Variants in SYT1 observed in about 807,000 individuals in gnomAD.
The protein encoded by SYT1 is synaptotagmin-1.
In SYT1, 8 loss-of-function variants were observed where a neutral mutation model predicts 44.8. The ratio of observed to expected loss-of-function variants is 0.18; its 90% CI spans 0.10 to 0.32. SYT1 has a LOEUF of 0.32. Among genes scored for constraint, SYT1 ranks in the 10% least tolerant of loss-of-function variants. The pLI, the probability that SYT1 is intolerant of heterozygous loss-of-function variation, is 1.00. For synonymous variants in SYT1, 154 were observed against 188.8 expected, an observed-to-expected ratio of 0.82 and a Z score of 1.51; for missense variants, 286 against 509.3, an observed-to-expected ratio of 0.56 and a Z score of 4.22.
chr12:78,999,331 T>C (rs1870577290), intron 2 of SYT1, among the ~76,000 whole-genome samples: 1 of 152,182 alleles, frequency 6.6e-6, no homozygotes, highest in African/African-American at 2.4e-5. Flanking sequence ...TTCTTATGTA[T>C]ATCTATAGTT....
At chr12:78,998,654 T>A (rs554633793) in intron 2 of SYT1, among the ~76,000 whole-genome samples, 1 of 152,294 alleles carries the variant, frequency 6.6e-6, no homozygotes, top group African/African-American at 2.4e-5. Context: ...CAAGTTAGAT[T>A]AAATTGATTC....
At chr12:79,390,886 C>G (rs113744913) in intron 9 of SYT1, among the ~76,000 whole-genome samples, 7 of 152,156 alleles carry the variant, frequency 4.6e-5, no homozygotes, top group Admixed American at 2.0e-4. Flanking sequence ...TATGAAGTAG[C>G]CTTCCCCAGA....
At chr12:78,912,156 T>C (rs886643863) in intron 1 of SYT1, among the ~76,000 whole-genome samples, 1 of 151,984 alleles carries the variant, frequency 6.6e-6, no homozygotes, top group Non-Finnish European at 1.5e-5. Context: ...ATTTGTGATA[T>C]TTTACAAAGT....
chr12:79,112,741 A>G (rs959021399), intron 3 of SYT1, among the ~76,000 whole-genome samples: 2 of 152,260 alleles, frequency 1.3e-5, no homozygotes, highest in African/African-American at 2.4e-5. Context: ...ATGAGTTTTT[A>G]TACTAAACAA....
At chr12:78,876,744 A>G (rs1483302162) in intron 1 of SYT1, among the ~76,000 whole-genome samples, 59 of 96,538 alleles carry the variant, frequency 6.1e-4, no homozygotes, top group Non-Finnish European at 9.4e-4. Flanking sequence ...ATTATATATT[A>G]TATATTGTAT....
chr12:79,036,262 G>T (rs962957331), intron 2 of SYT1, among the ~76,000 whole-genome samples: 2 of 151,766 alleles, frequency 1.3e-5, no homozygotes, highest in African/African-American at 4.8e-5. Flanking sequence ...TTGTGTTACA[G>T]AATGTAAGTA....
In SYT1 at chr12:79,420,667, T is replaced by C. The variant is rs78868505; in HGVS notation, c.929-23406T>C. On this transcript the variant is annotated intron_variant, in intron 9 of 10. Coordinates refer to ENST00000261205, the MANE Select transcript of SYT1 (RefSeq NM_005639.3). Reference sequence around the variant, plus strand: ...AGTTCAAAGTAGCACAAGAGAGATATGATGTGAGTAGAGAGTAGTCTTCCA... The same window carrying C: ...AGTTCAAAGTAGCACAAGAGAGATACGATGTGAGTAGAGAGTAGTCTTCCA... Among the ~76,000 whole-genome samples the C allele has an allele frequency of 2.5e-3, 378 of 152,160 alleles. 9 individuals carry two copies. The East Asian group carries it at 0.044, about 18-fold the overall frequency.
intron 3 of SYT1, among the ~76,000 whole-genome samples, chr12:79,121,334 G>A (rs1214166980): frequency 6.6e-6 from 1 of 152,136 alleles, no homozygotes; most frequent in Non-Finnish European, 1.5e-5. Context: ...TGTTCTGCAG[G>A]AGTAGATAGC....
chr12:79,023,743 C>G (rs937203174), intron 2 of SYT1, among the ~76,000 whole-genome samples: 1 of 151,904 alleles, frequency 6.6e-6, no homozygotes, highest in Non-Finnish European at 1.5e-5. Context: ...CAAGCTTCAT[C>G]AATTGTTTCT....
At chr12:79,158,081 C>T (rs565544000) in intron 3 of SYT1, among the ~76,000 whole-genome samples, 13 of 152,188 alleles carry the variant, frequency 8.5e-5, no homozygotes, top group African/African-American at 3.1e-4. Flanking sequence ...GATTCAAGCA[C>T]ACTACATTTA....
chr12:79,118,905 C>G (rs1016742774), intron 3 of SYT1, among the ~76,000 whole-genome samples: 1 of 152,162 alleles, frequency 6.6e-6, no homozygotes, highest in Non-Finnish European at 1.5e-5. Flanking sequence ...CCTTTCTTCT[C>G]AACTTCAGAT....
At chr12:79,118,540 T>G (rs535180553) in intron 3 of SYT1, among the ~76,000 whole-genome samples, 1 of 152,322 alleles carries the variant, frequency 6.6e-6, no homozygotes, top group East Asian at 1.9e-4. Context: ...TAATCAAGTT[T>G]ACCATCTCCA....
intron 10 of SYT1, among the ~76,000 whole-genome samples, chr12:79,447,588 C>G (rs1288666100): frequency 6.6e-6 from 1 of 152,106 alleles, no homozygotes; most frequent in Non-Finnish European, 1.5e-5. Context: ...TGTGTCATGT[C>G]CCCCACCCCA....
chr12:79,439,550 GT>G (rs1870283768), intron 9 of SYT1, among the ~76,000 whole-genome samples: 1 of 152,186 alleles, frequency 6.6e-6, no homozygotes, highest in African/African-American at 2.4e-5. Context: ...ATTCAGCAAA[GT>G]GAGTTGAAGG....
At chr12:78,973,916 CAAAAAAAAAAAA>C (rs1162433648) in intron 1 of SYT1, among the ~76,000 whole-genome samples, 39 of 9,070 alleles carry the variant, frequency 4.3e-3, no homozygotes, top group Middle Eastern at 0.1. Flanking sequence ...AGACGAACAC[CAAAAAAAAAAAA>C]AAAAAAAAAA....
At chr12:78,943,252 G>C (rs1324213295) in intron 1 of SYT1, among the ~76,000 whole-genome samples, 1 of 152,088 alleles carries the variant, frequency 6.6e-6, no homozygotes, top group Non-Finnish European at 1.5e-5. Flanking sequence ...ACCTGATAGT[G>C]GGTAATTTAT....
intron 4 of SYT1, among the ~76,000 whole-genome samples, chr12:79,229,186 A>C (rs1425596070): frequency 1.3e-5 from 2 of 152,228 alleles, no homozygotes; most frequent in African/African-American, 4.8e-5. Context: ...TGTCCTTCCA[A>C]TACATGGGGC....
rs528519968 is a variant in SYT1 at position 79,172,784 on chromosome 12, A to G, written c.-17-44719A>G. On this transcript the variant is annotated intron_variant, in intron 3 of 10. Coordinates refer to ENST00000261205, the MANE Select transcript of SYT1 (RefSeq NM_005639.3). ...GTAACTTCTTTCCCTTATTTATTTT[A>G]CAGACTAAGCCATTTTCTCTTAAGC... 4.6e-5 allele frequency among the ~76,000 whole-genome samples: 7 copies of G among 151,660 alleles called. No individual in the cohort carries two copies. In the East Asian group the frequency reaches 9.8e-4, roughly 21 times the overall value.
At chr12:78,942,876 G>A (rs542442447) in intron 1 of SYT1, among the ~76,000 whole-genome samples, 3 of 152,088 alleles carry the variant, frequency 2.0e-5, no homozygotes, top group African/African-American at 4.8e-5. Context: ...AGCCATGAGC[G>A]GAACTCTCAA....
Sources: allele counts gnomAD v4.1 joint callset (sites outside exome capture counted in the v4.1 genomes callset), GRCh38; gene constraint gnomAD v4.1.1; transcripts MANE v1.5; gene names NCBI Gene and HGNC (gene_info 2026-07-23, HGNC 2026-07-21).